The following RYR2 variants were observed in gnomAD, a reference collection of about 807,000 sequenced individuals.
RYR2 encodes the protein cardiac muscle ryanodine receptor-calcium release channel.
Under a neutral mutation model 601.1 loss-of-function variants are expected in RYR2, and 227 were observed. The observed-to-expected ratio is 0.38, with a 90% CI of 0.34 to 0.42. RYR2 has a LOEUF of 0.42. Ranked by LOEUF, RYR2 falls within the 10% of genes least tolerant of loss-of-function variation. The probability of loss-of-function intolerance (pLI) is 1.00; values close to 1 mark genes in which losing one functional copy is unlikely to be tolerated. For synonymous variants in RYR2, 2,223 were observed against 2,175.1 expected (o/e 1.02, Z -0.61); for missense variants, 4,646 against 6,156.5 (o/e 0.75, Z 8.21).
At chr1:237,115,495 C>T (rs1041115285) in intron 1 of RYR2, among the ~76,000 whole-genome samples, 1 of 152,152 alleles carries the variant, frequency 6.6e-6, no homozygotes, top group Non-Finnish European at 1.5e-5. Context: ...GAAACAATGG[C>T]AAGTGTTTTG....
chr1:237,824,171 A>G (rs983460271), intron 101 of RYR2, among the ~76,000 whole-genome samples: 4 of 152,288 alleles, frequency 2.6e-5, no homozygotes, highest in Middle Eastern at 3.4e-3. Flanking sequence ...TCCCTAACTC[A>G]TATTATGAGG....
At position 237,321,801 on chromosome 1, in the gene RYR2, A is replaced by G. The variant is rs552446176; in HGVS notation, c.169-9077A>G. Among the ~76,000 whole-genome samples, 3 of 152,286 alleles carry G rather than the reference A, an allele frequency of 2.0e-5. No individual in the cohort carries two copies. The South Asian group carries it at 6.2e-4, about 32-fold the overall frequency. On this transcript the variant is annotated intron_variant, in intron 2 of 104. Transcript: ENST00000366574. ...TAAGTTCTTTAGAGGGGATCTTCAG[A>G]CTGGCTGGTGTCAGTGGAATACAGG...
chr1:237,237,131 A>G (rs1405570267), intron 1 of RYR2, among the ~76,000 whole-genome samples: 3 of 152,116 alleles, frequency 2.0e-5, no homozygotes, highest in Non-Finnish European at 4.4e-5. Context: ...CCATGATTGT[A>G]AGTTTCCGGA....
intron 1 of RYR2, among the ~76,000 whole-genome samples, chr1:237,050,292 G>T (rs1324471494): frequency 6.6e-6 from 1 of 152,166 alleles, no homozygotes; most frequent in Non-Finnish European, 1.5e-5. Flanking sequence ...AGAAGAAAGC[G>T]AGTGGAACAG....
chr1:237,686,563 G>A (rs773284750), intron 62 of RYR2, among the ~76,000 whole-genome samples: 1 of 152,106 alleles, frequency 6.6e-6, no homozygotes, highest in Non-Finnish European at 1.5e-5. Flanking sequence ...ATGAGTGAAG[G>A]GTATTTCTCA....
At chr1:237,526,035 C>A (rs1667558419) in intron 24 of RYR2, among the ~76,000 whole-genome samples, 1 of 151,746 alleles carries the variant, frequency 6.6e-6, no homozygotes, top group Admixed American at 6.6e-5. Flanking sequence ...GGTAGGTATC[C>A]AGTTGTGGGA....
At chr1:237,638,104 G>GAAAAAA (rs34788513) in intron 44 of RYR2, among the ~76,000 whole-genome samples, 1 of 147,112 alleles carries the variant, frequency 6.8e-6, no homozygotes. Context: ...AGAGAGAGCT[G>GAAAAAA]AAAAAAAAAA....
At chr1:237,443,291 A>G (rs953685105) in intron 13 of RYR2, among the ~76,000 whole-genome samples, 1 of 151,956 alleles carries the variant, frequency 6.6e-6, no homozygotes, top group African/African-American at 2.4e-5. Flanking sequence ...TTATCTCAGC[A>G]TATTTTCCCA....
At chr1:237,811,876 G>A (rs562194688) in intron 100 of RYR2, among the ~76,000 whole-genome samples, 5 of 152,152 alleles carry the variant, frequency 3.3e-5, no homozygotes, top group Non-Finnish European at 5.9e-5. Flanking sequence ...TGGAGGACAC[G>A]GAGTATCAGA....
At chr1:237,126,424 G>A (rs1176748465) in intron 1 of RYR2, among the ~76,000 whole-genome samples, 2 of 152,142 alleles carry the variant, frequency 1.3e-5, no homozygotes. Context: ...GGTGAGGGGA[G>A]CTGGAGCTGA....
At chr1:237,802,145 A>G (rs1660050011) in intron 98 of RYR2, 2 of 345,340 alleles carry the variant, frequency 5.8e-6, no homozygotes, top group South Asian at 1.2e-4. Context: ...AAAAACTGAG[A>G]TGCAGATTTG....
chr1:237,266,264 G>C (rs946982642), intron 1 of RYR2, among the ~76,000 whole-genome samples: 1 of 152,046 alleles, frequency 6.6e-6, no homozygotes, highest in East Asian at 1.9e-4. Flanking sequence ...CTGTCAGGTA[G>C]GTTAACCCTC....
chr1:237,078,808 G>T (rs983613586), intron 1 of RYR2, among the ~76,000 whole-genome samples: 1 of 101,704 alleles, frequency 9.8e-6, no homozygotes, highest in African/African-American at 3.7e-5. Flanking sequence ...ACCAAAGCTG[G>T]GCAGAGACAC....
chr1:237,360,110 G>A (rs993864571), intron 4 of RYR2, among the ~76,000 whole-genome samples: 3 of 152,178 alleles, frequency 2.0e-5, no homozygotes, highest in Admixed American at 1.3e-4. Context: ...TTTAACACAC[G>A]ACTGCTATTA....
chr1:237,535,484 T>TACACATACACACAC (rs1553488498), intron 25 of RYR2, among the ~76,000 whole-genome samples: 5,958 of 144,586 alleles, frequency 0.041, 144 homozygotes, highest in Middle Eastern at 0.11. Flanking sequence ...CAAACACACA[T>TACACATACACACAC]ACACACACAC....
intron 53 of RYR2, among the ~76,000 whole-genome samples, chr1:237,657,155 A>C (rs992449416): frequency 6.6e-6 from 1 of 152,166 alleles, no homozygotes; most frequent in African/African-American, 2.4e-5. Flanking sequence ...TGGTGATATC[A>C]GTGATTTCTA....
At chr1:237,262,492 G>C (rs1309854382) in intron 1 of RYR2, among the ~76,000 whole-genome samples, 2 of 151,828 alleles carry the variant, frequency 1.3e-5, no homozygotes, top group Non-Finnish European at 2.9e-5. Flanking sequence ...CCTGGCCTCA[G>C]TTGATCCACC....
chr1:237,729,433 C>A (rs1468557191), intron 76 of RYR2, among the ~76,000 whole-genome samples: 1 of 152,140 alleles, frequency 6.6e-6, no homozygotes, highest in Admixed American at 6.6e-5. Flanking sequence ...GTTCCGGCTG[C>A]GTTGGCAGTT....
chr1:237,260,479 C>T (rs759185980), intron 1 of RYR2, among the ~76,000 whole-genome samples: 11 of 152,158 alleles, frequency 7.2e-5, no homozygotes, highest in Admixed American at 1.3e-4. Flanking sequence ...GATGCTTATT[C>T]CACTGGGACA....
Sources: gnomAD v4.1 joint callset for allele counts (sites outside exome capture counted in the v4.1 genomes callset) on GRCh38, gnomAD v4.1.1 for gene constraint, MANE v1.5 for transcripts, NCBI Gene and HGNC (gene_info 2026-07-23, HGNC 2026-07-21) for gene names.